The following ZNF14 variants were observed in gnomAD, a reference collection of about 807,000 sequenced individuals.
The protein encoded by ZNF14 is gonadotropin inducible transcription repressor-4.
Under a neutral mutation model 11.3 loss-of-function variants are expected in ZNF14, and 9 were observed. The observed-to-expected ratio is 0.80, with a 90% CI of 0.48 to 1.39. The LOEUF (loss-of-function observed/expected upper bound fraction) is 1.39. Ranked by LOEUF, ZNF14 falls within the 40% of genes most tolerant of loss-of-function variation. ZNF14 has a pLI of 0.00. For synonymous variants in ZNF14, 239 were observed against 245.7 expected, an observed-to-expected ratio of 0.97 and a Z score of 0.25; for missense variants, 711 against 763.9, an observed-to-expected ratio of 0.93 and a Z score of 0.82.
rs767920647 is a variant in ZNF14, at chr19:19,712,441, T to C, written c.840A>G (p.Lys280=). 3 of 1,559,048 alleles carry C rather than the reference T, an allele frequency of 1.9e-6. No homozygotes were observed. The highest frequency in any genetic ancestry group is 2.6e-6 in the Non-Finnish European group (3 of 1,142,548). ...TGAAGGCTTTACCACATTCTTTACA[T>C]TTGTAGGGTTTTTCTCCAGTGTGAG... is the stretch of plus-strand genomic sequence containing the variant. ...ERTHTGEKPY[K]CKECGKAFSF... is the part of the protein sequence containing the mutation. Residue 280 remains lysine, a synonymous_variant, in exon 4 of 4, where the codon AAA becomes AAG. Coordinates refer to ENST00000344099, the MANE Select transcript of ZNF14 (RefSeq NM_021030.3).
chr19:19,723,722 T>C (rs1240450238), intron 1 of ZNF14, among the ~76,000 whole-genome samples: 1 of 132,978 alleles, frequency 7.5e-6, no homozygotes, highest in East Asian at 2.1e-4. Context: ...CTGGGCTTTT[T>C]TTGGTTGGTA....
intron 1 of ZNF14, among the ~76,000 whole-genome samples, chr19:19,731,590 AAAC>A (rs1031455633): frequency 7.2e-5 from 11 of 151,892 alleles, no homozygotes; most frequent in African/African-American, 1.9e-4. Context: ...AAAAGAAAAA[AAAC>A]AACAACAAAA....
intron 1 of ZNF14, among the ~76,000 whole-genome samples, chr19:19,722,973 AAGG>A (rs1258004977): frequency 6.6e-6 from 1 of 152,204 alleles, no homozygotes; most frequent in Non-Finnish European, 1.5e-5. Context: ...TTATCAGCTT[AAGG>A]AGATTTTGGG....
At position 19,712,246 on chromosome 19, in the gene ZNF14, G is replaced by A; in HGVS notation, c.1035C>T (p.Asn345=). The A allele has an allele frequency of 3.1e-6, 5 of 1,613,724 alleles. No individual in the cohort carries two copies. Among genetic ancestry groups the A allele is most frequent in the Non-Finnish European group, 4.2e-6 (5 of 1,179,928 alleles). The change falls in exon 4 of 4, where the codon AAC becomes AAT. Residue 345 remains asparagine, a synonymous_variant. Transcript: ENST00000344099. ...YKCKECGKAF[N]SSNSCRVHER... ...CATGCACTCGACAGGAATTAGAAGAGTTGAAGGCTTTCCCACATTCTTTAC... is the reference window on the plus strand; with the variant it reads ...CATGCACTCGACAGGAATTAGAAGAATTGAAGGCTTTCCCACATTCTTTAC...
rs2062413002 is a variant in ZNF14 at position 19,728,533 on chromosome 19, A to AAC, written c.3+4422_3+4423insGT. On this transcript the variant is annotated intron_variant, in intron 1 of 3. Transcript: ENST00000344099. ...TCCGTCTCAAAAAAAAAAAAAAAAA[A>AAC]AAACATATACTGGAAGAACTAACAT... is the stretch of plus-strand genomic sequence containing the variant. Among the ~76,000 whole-genome samples, 2 of 129,550 alleles carry AAC rather than the reference A, an allele frequency of 1.5e-5. 1 individual carries two copies. 85.0% of individuals were successfully genotyped at this position (129,550 alleles called of 152,430 possible).
chr19:19,732,641 A>G (rs1221061764), intron 1 of ZNF14, among the ~76,000 whole-genome samples: 1 of 152,206 alleles, frequency 6.6e-6, no homozygotes, highest in Non-Finnish European at 1.5e-5. Context: ...CACAAACCCC[A>G]CAGACCGAGA....
intron 1 of ZNF14, among the ~76,000 whole-genome samples, chr19:19,723,214 T>C (rs1424466608): frequency 6.6e-6 from 1 of 152,202 alleles, no homozygotes; most frequent in African/African-American, 2.4e-5. Flanking sequence ...GGCTGTGGGT[T>C]TGTCATAGAT....
At chr19:19,713,161 A>G in intron 3 of ZNF14, 72 bp from the exon 4 acceptor site, 3 of 1,395,228 alleles carry the variant, frequency 2.2e-6, no homozygotes, top group Middle Eastern at 2.2e-4. Flanking sequence ...TATGAGAATT[A>G]CATTTTAACC....
At chr19:19,730,177 C>A (rs1391919131) in intron 1 of ZNF14, among the ~76,000 whole-genome samples, 2 of 152,034 alleles carry the variant, frequency 1.3e-5, no homozygotes, top group South Asian at 4.2e-4. Context: ...GTGTGTGCCA[C>A]CAGGCTCGGC....
rs1229366992 is a variant in ZNF14, at chr19:19,720,937, AACCTCCT to A, written c.4-6457_4-6451del. ...TAAAAGAGAAAGCATTCATAAGAAC[AACCTCCT>A]ACTCTTACTTTATTTATTTATTGAT... On this transcript the variant is annotated intron_variant, in intron 1 of 3. Transcript: ENST00000344099. This position sits in a 1 kb window ranked among gnomAD's most constrained non-coding sequence, Gnocchi z 4.1. 6.6e-6 allele frequency among the ~76,000 whole-genome samples: 1 copy of A among 151,910 alleles called. No homozygotes were observed. The highest frequency in any genetic ancestry group is 2.4e-5 in the African/African-American group (1 of 41,386).
chr19:19,717,328 C>T (rs916344426), intron 1 of ZNF14, among the ~76,000 whole-genome samples: 3 of 152,134 alleles, frequency 2.0e-5, no homozygotes, highest in African/African-American at 4.8e-5. Context: ...GCCCATTGGT[C>T]GGTATGCAGA....
In ZNF14 at chr19:19,727,740, T is replaced by C. The variant is rs181759335; in HGVS notation, c.3+5216A>G. On this transcript the variant is annotated intron_variant, in intron 1 of 3. Coordinates refer to ENST00000344099, the MANE Select transcript of ZNF14 (RefSeq NM_021030.3). ...TCTACACACACATCCAATCAATGCA[T>C]CTTTATAGACGCTTGGCATGTATTC... Among the ~76,000 whole-genome samples the C allele has an allele frequency of 2.0e-3, 262 of 134,090 alleles. 44 individuals are homozygous for C. Among genetic ancestry groups the C allele is most frequent in the Non-Finnish European group, 1.1e-3 (67 of 60,348 alleles). 88.0% of individuals were successfully genotyped at this position (134,090 alleles called of 152,430 possible). A position where few individuals can be genotyped will look rare whatever the true frequency, so the allele number is the denominator to read the frequency against.
rs1052203528 is a variant in ZNF14 at position 19,727,946 on chromosome 19, G to A, written c.3+5010C>T. Among the ~76,000 whole-genome samples, 9 of 132,680 alleles carry A rather than the reference G, an allele frequency of 6.8e-5. 2 individuals are homozygous for A. The South Asian group carries it at 7.4e-4, about 11-fold the overall frequency. 87.0% of individuals were successfully genotyped at this position (132,680 alleles called of 152,430 possible). A position where few individuals can be genotyped will look rare whatever the true frequency, so the allele number is the denominator to read the frequency against. ...AGCCTGGCCATCATGGTGAAACTCC[G>A]TCTCTACTAAAAATACAAAAATTAG... is the stretch of plus-strand genomic sequence containing the variant. On this transcript the variant is annotated intron_variant, in intron 1 of 3. Transcript: ENST00000344099.
chr19:19,723,645 T>G (rs2062399243), intron 1 of ZNF14, among the ~76,000 whole-genome samples: 1 of 84,346 alleles, frequency 1.2e-5, no homozygotes, highest in South Asian at 3.7e-4. Flanking sequence ...TTGGAATAGT[T>G]TCAGAAGGAA....
Position 19,714,165 on chromosome 19 carries a change from C to A in ZNF14, c.131-14G>T, listed in dbSNP as rs371638354. On this transcript the variant is annotated splice_polypyrimidine_tract_variant and intron_variant, in intron 2 of 3. Transcript: ENST00000344099. ...CCCACTTTTTTCCTAAAATGCATACCCAGAAAGACCATTAAAAATTATTAG... is the reference window on the plus strand; with the variant it reads ...CCCACTTTTTTCCTAAAATGCATACACAGAAAGACCATTAAAAATTATTAG... The A allele has an allele frequency of 1.9e-5, 30 of 1,609,742 alleles. 1 individual carries two copies. In the African/African-American group the frequency reaches 3.9e-4, roughly 21 times the overall value.
At chr19:19,713,184 A>G in intron 3 of ZNF14, 95 bp from the exon 4 acceptor site, 2 of 1,171,306 alleles carry the variant, frequency 1.7e-6, no homozygotes, top group Admixed American at 2.7e-5. Flanking sequence ...TTTCAGAAAA[A>G]GTATAGGATA....
chr19:19,714,542 A>G (rs1192230068), intron 1 of ZNF14, 55 bp from the exon 2 acceptor site: 1 of 1,563,828 alleles, frequency 6.4e-7, no homozygotes, highest in Non-Finnish European at 8.6e-7. Context: ...AGTACTGGGG[A>G]TCTATACTTG....
Position 19,712,732 on chromosome 19 carries a change from T to C in ZNF14, c.549A>G (p.Pro183=), listed in dbSNP as rs1276067699. 2 of 1,612,112 alleles carry C rather than the reference T, an allele frequency of 1.2e-6. No homozygotes were observed. Among genetic ancestry groups the C allele is most frequent in the African/African-American group, 2.7e-5 (2 of 74,492 alleles). ...CATGAGTCCTTTCATGTCTTTGAAATGGCTGGTAATATATAAAGGCTTTCC... is the reference window on the plus strand; with the variant it reads ...CATGAGTCCTTTCATGTCTTTGAAACGGCTGGTAATATATAAAGGCTTTCC... ...QCGKAFIYYQ[P]FQRHERTHAG... is the part of the protein sequence containing the mutation. The change falls in exon 4 of 4, where the codon CCA becomes CCG. Residue 183 remains proline (P), a synonymous_variant. Transcript: ENST00000344099.
chr19:19,713,977 T>C lies in ZNF14; in HGVS notation c.191+114A>G, dbSNP rs1170802860. On this transcript the variant is annotated intron_variant, in intron 3 of 3. Transcript: ENST00000344099. ...CATCTATGATGTTTTTAAGAAAACA[T>C]TTTCAGTGAAAGTTTTCTAGGAATA... 4.0e-6 allele frequency: 4 copies of C among 1,005,936 alleles called. No homozygotes were observed. In the African/African-American group the frequency reaches 6.5e-5, roughly 16 times the overall value. The allele number at this position is 1,005,936 out of a possible 1,614,324, so 62.3% of individuals were successfully genotyped here.
Sources: gnomAD v4.1 joint callset for allele counts (sites outside exome capture counted in the v4.1 genomes callset) on GRCh38, gnomAD v4.1.1 for gene constraint, Gnocchi (gnomAD v3.1) non-coding constraint, MANE v1.5 for transcripts, NCBI Gene and HGNC (gene_info 2026-07-23, HGNC 2026-07-21) for gene names.